The following SPATA22 variants were observed in gnomAD, a reference collection of about 807,000 sequenced individuals.
The protein encoded by SPATA22 is spermatogenesis associated 22, also known as spermatogenesis-associated protein 22.
SPATA22 carries 29 observed loss-of-function variants against 47.8 expected under a neutral mutation model. The ratio of observed to expected loss-of-function variants is 0.61; its 90% CI spans 0.45 to 0.83. The LOEUF is 0.83. Among genes scored for constraint, SPATA22 ranks in the 40% least tolerant of loss-of-function variants. SPATA22 has a pLI of 0.00. For synonymous variants in SPATA22, 133 were observed against 140.9 expected (o/e 0.94, Z 0.40); for missense variants, 410 against 421.7 (o/e 0.97, Z 0.24).
chr17:3,468,385 C>G (rs1472027302), intron 2 of SPATA22: 2 of 152,222 alleles, frequency 1.3e-5, no homozygotes, highest in African/African-American at 2.4e-5. Context: ...GTTTGGATCT[C>G]TTGCCACTGT....
At chr17:3,510,631 A>G (rs2074099887) in intron 1 of SPATA22, 1 of 152,274 alleles carries the variant, frequency 6.6e-6, no homozygotes, top group Non-Finnish European at 1.5e-5. Context: ...ACTAAGAACA[A>G]GTAGGTAAAT....
chr17:3,462,507 G>A lies in SPATA22; in HGVS notation c.305C>T (p.Thr102Ile), dbSNP rs777734466. ...CCTCCAACCACCCTGGCTTCTTCCA[G>A]TATTTGATTGAATAGAGTTAAAGAC... is the stretch of plus-strand genomic sequence containing the variant. ...DSVFNSIQSN[T>I]GRSQGGWSYR... Residue 102 changes from threonine to isoleucine, a missense_variant, in exon 5 of 9, where the codon ACT (threonine) becomes ATT (isoleucine). Physicochemically the swap from Thr to Ile is moderately conservative, Grantham distance 89. Coordinates refer to ENST00000572969, the MANE Select transcript of SPATA22 (RefSeq NM_001170698.2). The A allele has an allele frequency of 6.2e-7, 1 of 1,609,552 alleles. No individual in the cohort carries two copies. The highest frequency in any genetic ancestry group is 2.2e-5 in the East Asian group (1 of 44,806).
intron 8 of SPATA22, 106 bp downstream of exon 8, chr17:3,443,068 A>T: frequency 1.3e-6 from 1 of 781,920 alleles, no homozygotes; most frequent in Admixed American, 3.1e-5. Flanking sequence ...AACCAGTGTT[A>T]AAAGTACTAA....
At chr17:3,503,482 C>T (rs771941940) in intron 1 of SPATA22, 21 of 152,188 alleles carry the variant, frequency 1.4e-4, no homozygotes, top group Non-Finnish European at 2.2e-4. Flanking sequence ...GTGAATGTTC[C>T]GTTGTGTCCT....
At chr17:3,484,048 C>T (rs1490078306) in intron 1 of SPATA22, among the ~76,000 whole-genome samples, 1 of 152,304 alleles carries the variant, frequency 6.6e-6, no homozygotes, top group East Asian at 1.9e-4. Context: ...TCCAGGCAGG[C>T]TCTAATTGTA....
At chr17:3,491,771 A>G (rs2073829786) in intron 1 of SPATA22, among the ~76,000 whole-genome samples, 1 of 151,648 alleles carries the variant, frequency 6.6e-6, no homozygotes, top group East Asian at 1.9e-4. Context: ...AGAAAGAAAG[A>G]AGTCTACATT....
At chr17:3,498,308 T>C (rs2073941731) in intron 1 of SPATA22, among the ~76,000 whole-genome samples, 1 of 152,206 alleles carries the variant, frequency 6.6e-6, no homozygotes, top group Non-Finnish European at 1.5e-5. Context: ...ATAAATCTCT[T>C]TGGCTACATT....
chr17:3,481,801 A>T, intron 1 of SPATA22: 1 of 1,583,078 alleles, frequency 6.3e-7, no homozygotes, highest in Non-Finnish European at 8.6e-7. Flanking sequence ...ACATTAAGGT[A>T]ATGTTAATGT....
Position 3,459,654 on chromosome 17 carries a change from C to T in SPATA22, c.329+2829G>A, listed in dbSNP as rs181475406. ...AACTACTGACCTCAAGTGATCCGCC[C>T]GCCTCCGCCTCCCAAAGTGCCGGGA... On this transcript the variant is annotated intron_variant, in intron 5 of 8. Transcript: ENST00000572969. Among the ~76,000 whole-genome samples, 960 of 152,242 alleles carry T rather than the reference C, an allele frequency of 6.3e-3. 11 individuals carry two copies. Among genetic ancestry groups the T allele is most frequent in the African/African-American group, 0.021 (882 of 41,550 alleles).
At chr17:3,459,661 G>A (rs568960305) in intron 5 of SPATA22, among the ~76,000 whole-genome samples, 10 of 152,244 alleles carry the variant, frequency 6.6e-5, no homozygotes, top group Middle Eastern at 3.4e-3. Flanking sequence ...GCCCGCCTCC[G>A]CCTCCCAAAG....
chr17:3,477,234 G>A (rs934937917), intron 1 of SPATA22, among the ~76,000 whole-genome samples: 16 of 152,186 alleles, frequency 1.1e-4, no homozygotes, highest in Non-Finnish European at 2.4e-4. Context: ...TAACTTCCAT[G>A]GTGGATTGTT....
intron 5 of SPATA22, among the ~76,000 whole-genome samples, chr17:3,461,216 G>C: frequency 6.6e-6 from 1 of 152,088 alleles, no homozygotes; most frequent in African/African-American, 2.4e-5. Context: ...CTGAAATTCA[G>C]ATTTAACTGG....
At chr17:3,476,521 T>C (rs9889588), upstream of SPATA22, 198,845 of 885,826 alleles carry the variant, frequency 0.22, 24,452 homozygotes, top group East Asian at 0.41. Flanking sequence ...GTATGTTGAA[T>C]AAGATCACTT....
rs1201679253 is a variant in SPATA22 at position 3,462,528 on chromosome 17, A to G, written c.284T>C (p.Phe95Ser). ...SRPLRSQDSV[F>S]NSIQSNTGRS... is the part of the protein sequence containing the mutation. Reference sequence around the variant, plus strand: ...TCCAGTATTTGATTGAATAGAGTTAAAGACAGAATCTTGACTTCTCAGAGG... The same window carrying G: ...TCCAGTATTTGATTGAATAGAGTTAGAGACAGAATCTTGACTTCTCAGAGG... The change falls in exon 5 of 9, where the codon TTT becomes TCT. Residue 95 changes from phenylalanine (F) to serine (S), a missense_variant. Physicochemically the swap from Phe to Ser is radical, Grantham distance 155. Transcript: ENST00000572969. 1 of 1,613,318 alleles carries G rather than the reference A, an allele frequency of 6.2e-7. No individual in the cohort carries two copies. The highest frequency in any genetic ancestry group is 8.5e-7 in the Non-Finnish European group (1 of 1,179,720).
rs557774498 is a variant in SPATA22, at chr17:3,444,234, T to A, written c.803-963A>T. On this transcript the variant is annotated intron_variant, in intron 7 of 8. Transcript: ENST00000572969. Reference sequence around the variant, plus strand: ...ATTTCTGCTAAAAAGACCCAGATTATCCTTCAGGAAAATTCCATTTTTAGC... The same window carrying A: ...ATTTCTGCTAAAAAGACCCAGATTAACCTTCAGGAAAATTCCATTTTTAGC... 1.4e-4 allele frequency among the ~76,000 whole-genome samples: 21 copies of A among 152,138 alleles called. 1 individual carries two copies. The Middle Eastern group carries it at 0.017, about 123-fold the overall frequency.
intron 5 of SPATA22, among the ~76,000 whole-genome samples, chr17:3,451,374 A>G (rs1269051015): frequency 3.9e-5 from 6 of 152,192 alleles, no homozygotes; most frequent in African/African-American, 1.4e-4. Flanking sequence ...AGAAAGCTCA[A>G]TACTCCACTT....
intron 3 of SPATA22, among the ~76,000 whole-genome samples, chr17:3,465,583 A>G (rs1351362899): frequency 1.3e-5 from 2 of 151,382 alleles, no homozygotes; most frequent in Non-Finnish European, 2.9e-5. Context: ...TGAAGGCAGC[A>G]TGCTCGTTAA....
At chr17:3,453,954 A>G (rs185228997) in intron 5 of SPATA22, among the ~76,000 whole-genome samples, 186 of 152,302 alleles carry the variant, frequency 1.2e-3, no homozygotes, top group Non-Finnish European at 2.1e-3. Context: ...TGCAGATGAC[A>G]TGATCTTGTA....
chr17:3,494,965 C>T (rs1172929008), intron 1 of SPATA22, among the ~76,000 whole-genome samples: 1 of 152,062 alleles, frequency 6.6e-6, no homozygotes, highest in African/African-American at 2.4e-5. Flanking sequence ...TGCTACCTCC[C>T]TGTGACAGAA....
Sources: gnomAD v4.1 joint callset for allele counts (sites outside exome capture counted in the v4.1 genomes callset) on GRCh38, gnomAD v4.1.1 for gene constraint, MANE v1.5 for transcripts, NCBI Gene and HGNC (gene_info 2026-07-23, HGNC 2026-07-21) for gene names.